Variants in CSMD2 observed in about 807,000 individuals in gnomAD.
The protein encoded by CSMD2 is CUB and Sushi multiple domains 2.
A neutral mutation model predicts 398.5 loss-of-function variants in CSMD2; 130 were observed. That is an observed-to-expected ratio of 0.33 (90% CI 0.28 to 0.38). The LOEUF is 0.38. Ranked by LOEUF, CSMD2 falls within the 10% of genes least tolerant of loss-of-function variation. The probability of loss-of-function intolerance (pLI) is 1.00; values close to 1 mark genes in which losing one functional copy is unlikely to be tolerated. For missense variants in CSMD2, 3,829 were observed against 4,764.9 expected (o/e 0.80, Z 5.78); for synonymous variants, 1,828 against 1,908.5 (o/e 0.96, Z 1.10).
Position 33,633,156 on chromosome 1 carries a change from C to T in CSMD2, c.5200+266G>A, listed in dbSNP as rs603893. 0.15 allele frequency among the ~76,000 whole-genome samples: 22,167 copies of T among 152,130 alleles called. 1,920 individuals carry two copies. The highest frequency in any genetic ancestry group is 0.25 in the East Asian group (1,305 of 5,174). On this transcript the variant is annotated intron_variant, in intron 32 of 70. Transcript: ENST00000373381. The surrounding 1 kb of genome is among the most constrained non-coding windows in gnomAD (Gnocchi z 5.0). ...ACATTTATAGTAAGAAAAAAAGTTG[C>T]ATCTGAATACGAACCAACAGGAGAA... is the stretch of plus-strand genomic sequence containing the variant.
chr1:33,790,661 G>GTCTA (rs72105736), intron 11 of CSMD2, among the ~76,000 whole-genome samples: 35,064 of 149,592 alleles, frequency 0.23, 4,177 homozygotes, highest in Non-Finnish European at 0.28. Context: ...CTGTTTGTCT[G>GTCTA]TCTATCTATC....
intron 5 of CSMD2, among the ~76,000 whole-genome samples, chr1:33,886,934 T>C (rs1451105881): frequency 1.3e-5 from 2 of 152,120 alleles, no homozygotes; most frequent in Non-Finnish European, 2.9e-5. Context: ...TGAAGAAGAA[T>C]TAGCTGCACA....
At chr1:33,936,210 C>T (rs1381143510) in intron 3 of CSMD2, among the ~76,000 whole-genome samples, 1 of 152,228 alleles carries the variant, frequency 6.6e-6, no homozygotes, top group Admixed American at 6.5e-5. Flanking sequence ...AGGTCTCTTG[C>T]CTTTTCTAAT....
intron 9 of CSMD2, among the ~76,000 whole-genome samples, chr1:33,813,379 C>T (rs938276434): frequency 6.6e-6 from 1 of 152,172 alleles, no homozygotes; most frequent in Non-Finnish European, 1.5e-5. Flanking sequence ...CAGACATCAC[C>T]CTGAGCAGCC....
intron 25 of CSMD2, among the ~76,000 whole-genome samples, chr1:33,678,111 T>C (rs1168012847): frequency 6.6e-6 from 1 of 151,270 alleles, no homozygotes; most frequent in African/African-American, 2.4e-5. Context: ...AGTATAATAA[T>C]AATAAAATTA....
chr1:33,974,894 AC>A (rs1409624461), intron 3 of CSMD2, among the ~76,000 whole-genome samples: 2 of 152,178 alleles, frequency 1.3e-5, no homozygotes, highest in Non-Finnish European at 2.9e-5. Context: ...ATGACTGCAC[AC>A]TTTTCATCTT....
chr1:33,608,845 A>G (rs1640809258), intron 41 of CSMD2, among the ~76,000 whole-genome samples: 1 of 152,158 alleles, frequency 6.6e-6, no homozygotes, highest in Admixed American at 6.5e-5. Context: ...TTGGACAGTA[A>G]GTTTCCGTTG....
chr1:33,875,378 G>A (rs1306925078), intron 5 of CSMD2: 1 of 152,196 alleles, frequency 6.6e-6, no homozygotes, highest in Non-Finnish European at 1.5e-5. Context: ...TAAATGTCAT[G>A]CTCATGACTG....
intron 21 of CSMD2, among the ~76,000 whole-genome samples, chr1:33,711,609 T>C (rs1160048806): frequency 2.0e-5 from 3 of 152,204 alleles, no homozygotes; most frequent in African/African-American, 7.2e-5. Context: ...CTGAGAAGCA[T>C]ATGGGAAGCG....
intron 1 of CSMD2, among the ~76,000 whole-genome samples, chr1:34,114,144 A>C (rs962145362): frequency 1.3e-5 from 2 of 152,174 alleles, no homozygotes; most frequent in Non-Finnish European, 2.9e-5. Context: ...CCCTTGAAGG[A>C]AAAACAAACA....
At chr1:33,730,509 T>C (rs1314265028) in intron 15 of CSMD2, among the ~76,000 whole-genome samples, 3 of 151,928 alleles carry the variant, frequency 2.0e-5, no homozygotes, top group African/African-American at 7.3e-5. Context: ...AATAAATGAA[T>C]GCAATGCTAG....
At chr1:34,159,527 T>C (rs926230198) in intron 1 of CSMD2, among the ~76,000 whole-genome samples, 2 of 152,196 alleles carry the variant, frequency 1.3e-5, no homozygotes, top group East Asian at 1.9e-4. Flanking sequence ...AGAAGTTGAA[T>C]GGCAACAAGG....
chr1:33,542,803 C>T lies in CSMD2; in HGVS notation c.9194G>A (p.Arg3065Gln), dbSNP rs142649420. 2.9e-5 allele frequency: 47 copies of T among 1,614,024 alleles called. No homozygotes were observed. The highest frequency in any genetic ancestry group is 5.3e-5 in the African/African-American group (4 of 74,908). ...VFSSSIVYECREGYYATGLLS... is the reference protein window; with the variant it reads ...VFSSSIVYECQEGYYATGLLS... ...CAGGCCTGTGGCGTAGTATCCTTCC[C>T]GGCACTCATAGACGATAGAGCTGGA... Residue 3065 changes from arginine (R) to glutamine (Q), a missense_variant, in exon 58 of 71, where the codon CGG becomes CAG. Coordinates refer to ENST00000373381, the MANE Select transcript of CSMD2 (RefSeq NM_001281956.2).
chr1:34,155,109 G>A (rs1182815590), intron 1 of CSMD2, among the ~76,000 whole-genome samples: 1 of 152,180 alleles, frequency 6.6e-6, no homozygotes, highest in East Asian at 1.9e-4. Context: ...CTTCAGGATT[G>A]GGGATGAAGG....
At chr1:34,111,518 A>C (rs914795791) in intron 1 of CSMD2, among the ~76,000 whole-genome samples, 1 of 152,194 alleles carries the variant, frequency 6.6e-6, no homozygotes, top group Non-Finnish European at 1.5e-5. Context: ...TTCAGCCATC[A>C]TTTATCAGGC....
intron 5 of CSMD2, among the ~76,000 whole-genome samples, chr1:33,885,856 A>C (rs1376774771): frequency 6.6e-6 from 1 of 152,180 alleles, no homozygotes; most frequent in Admixed American, 6.5e-5. Flanking sequence ...TTGGGAGACA[A>C]AGTCTTGGCT....
At chr1:33,789,506 G>T (rs761593969) in intron 11 of CSMD2, among the ~76,000 whole-genome samples, 1 of 152,248 alleles carries the variant, frequency 6.6e-6, no homozygotes, top group Non-Finnish European at 1.5e-5. Context: ...AGAGCCAGGG[G>T]TCCCCTGTGC....
Position 34,098,846 on chromosome 1 carries a change from C to A in CSMD2, c.188-9653G>T, listed in dbSNP as rs74068049. On this transcript the variant is annotated intron_variant, in intron 1 of 70. Coordinates refer to ENST00000373381, the MANE Select transcript of CSMD2 (RefSeq NM_001281956.2). Reference sequence around the variant, plus strand: ...AAGAAAACCTAGGTAATTATCTGACCGTGATTTTTTAGCATAATAGCTGTG... The same window carrying A: ...AAGAAAACCTAGGTAATTATCTGACAGTGATTTTTTAGCATAATAGCTGTG... Among the ~76,000 whole-genome samples the A allele has an allele frequency of 8.4e-4, 128 of 151,760 alleles. 2 individuals are homozygous for A. Among genetic ancestry groups the A allele is most frequent in the South Asian group, 6.2e-4 (3 of 4,806 alleles).
chr1:33,787,871 G>T (rs2124841736), intron 12 of CSMD2, among the ~76,000 whole-genome samples: 1 of 152,248 alleles, frequency 6.6e-6, no homozygotes, highest in African/African-American at 2.4e-5. Context: ...GAAGACTCTT[G>T]TCTGCATCTT....
Sources: gnomAD v4.1 joint callset for allele counts (sites outside exome capture counted in the v4.1 genomes callset) on GRCh38, gnomAD v4.1.1 for gene constraint, Gnocchi (gnomAD v3.1) non-coding constraint, MANE v1.5 for transcripts, NCBI Gene and HGNC (gene_info 2026-07-23, HGNC 2026-07-21) for gene names.